Variants in NIPAL3 observed in about 807,000 individuals in gnomAD.
NIPAL3 encodes the protein NIPA-like protein 3.
A neutral mutation model predicts 47.2 loss-of-function variants in NIPAL3; 41 were observed. The observed-to-expected ratio is 0.87, with a 90% CI of 0.68 to 1.13. The LOEUF (loss-of-function observed/expected upper bound fraction) is 1.13. NIPAL3 is among the 50% of genes most tolerant of loss of function. NIPAL3 has a pLI of 0.00. For missense variants in NIPAL3, 449 were observed against 530.1 expected (o/e 0.85, Z 1.50); for synonymous variants, 194 against 209.6 (o/e 0.93, Z 0.64).
At chr1:24,466,003 G>C in intron 11 of NIPAL3, 1 of 1,610,440 alleles carries the variant, frequency 6.2e-7, no homozygotes, top group African/African-American at 1.3e-5. Flanking sequence ...TGTCTACCTA[G>C]ATTCATATCT....
chr1:24,457,946 G>A (rs141774414), intron 8 of NIPAL3: 7 of 429,066 alleles, frequency 1.6e-5, no homozygotes, highest in Admixed American at 5.1e-5. Context: ...GCCAGTCAAA[G>A]GCCCTGTGCT....
intron 2 of NIPAL3, chr1:24,420,094 A>G (rs1644253991): frequency 6.5e-6 from 1 of 153,478 alleles, no homozygotes; most frequent in African/African-American, 2.4e-5. Context: ...AGGAAAAAAA[A>G]AAAAAAAAGA....
intron 2 of NIPAL3, chr1:24,433,198 A>G (rs1286953364): frequency 1.3e-5 from 2 of 152,252 alleles, no homozygotes; most frequent in Non-Finnish European, 2.9e-5. Context: ...CATGAAGGAC[A>G]GAGGCTGGAT....
Position 24,419,579 on chromosome 1 carries a change from T to G in NIPAL3, c.32T>G (p.Leu11Arg). 6.2e-7 allele frequency: 1 copy of G among 1,614,040 alleles called. No individual in the cohort carries two copies. The highest frequency in any genetic ancestry group is 8.5e-7 in the Non-Finnish European group (1 of 1,179,964). MDGSHSAALK[L>R]QQLPPTSSSS... The stretch of plus-strand genomic sequence containing the variant: ...GGATCCCACAGCGCAGCCCTGAAGC[T>G]GCAGCAGCTGCCTCCCACAAGTAGC... Residue 11 changes from leucine (L) to arginine (R), a missense_variant, in exon 2 of 12, where the codon CTG becomes CGG. Coordinates refer to ENST00000374399, the MANE Select transcript of NIPAL3 (RefSeq NM_020448.5).
At chr1:24,462,628 G>A (rs936372650) in intron 10 of NIPAL3, among the ~76,000 whole-genome samples, 10 of 151,542 alleles carry the variant, frequency 6.6e-5, no homozygotes, top group African/African-American at 1.5e-4. Context: ...TTAGCCAGGC[G>A]TGGTGGCTTG....
Position 24,439,217 on chromosome 1 carries a change from G to A in NIPAL3, c.94-955G>A, listed in dbSNP as rs115454651. On this transcript the variant is annotated intron_variant, in intron 2 of 11. Transcript: ENST00000374399. ...AGTTAAATGAAAAATTAATAATAAA[G>A]GAAACAGCCTAAATATCCAGTAATA... Among the ~76,000 whole-genome samples the A allele has an allele frequency of 1.0e-2, 1,519 of 151,944 alleles. 27 individuals carry two copies. Among genetic ancestry groups the A allele is most frequent in the African/African-American group, 0.033 (1,368 of 41,410 alleles).
rs538226713 is a variant in NIPAL3 at position 24,430,214 on chromosome 1, G to A, written c.94-9958G>A. On this transcript the variant is annotated intron_variant, in intron 2 of 11. Coordinates refer to ENST00000374399, the MANE Select transcript of NIPAL3 (RefSeq NM_020448.5). ...AGTACCTGGAATGGAAGGACTGTTG[G>A]TATAGCAGTATCACTAAATTCTTTT... Among the ~76,000 whole-genome samples, 137 of 151,360 alleles carry A rather than the reference G, an allele frequency of 9.1e-4. 1 individual carries two copies. The highest frequency in any genetic ancestry group is 3.2e-3 in the African/African-American group (130 of 41,092).
At chr1:24,453,597 A>G in intron 7 of NIPAL3, 93 bp downstream of exon 7, 1 of 1,007,440 alleles carries the variant, frequency 9.9e-7, no homozygotes, top group Non-Finnish European at 1.5e-6. Flanking sequence ...GCCGCTGGGC[A>G]CAGAAGTTGC....
At chr1:24,453,671 C>T (rs1049097645) in intron 7 of NIPAL3, among the ~76,000 whole-genome samples, 167 bp downstream of exon 7, 1 of 151,960 alleles carries the variant, frequency 6.6e-6, no homozygotes, top group East Asian at 1.9e-4. Context: ...CCCTGCTGAC[C>T]GGAGGCAAAC....
At chr1:24,440,380 G>A (rs558201667) in intron 3 of NIPAL3, 140 bp downstream of exon 3, 6 of 519,364 alleles carry the variant, frequency 1.2e-5, no homozygotes, top group Non-Finnish European at 1.9e-5. Context: ...ATACCTTGTG[G>A]GCCGTTCCAG....
In NIPAL3 at chr1:24,440,181, A is replaced by C. The variant is rs1243982189; in HGVS notation, c.103A>C (p.Ile35Leu). The change falls in exon 3 of 12, where the codon ATT (isoleucine) becomes CTT (leucine). Residue 35 changes from isoleucine (I) to leucine (L), a missense_variant. Transcript: ENST00000374399. Reference protein sequence around the residue: ...EASFSYKENLIGALLAIFGHL... With the variant: ...EASFSYKENLLGALLAIFGHL... ...TGAACTTTCCTTACAGGAAAACCTG[A>C]TTGGCGCCCTCTTGGCGATCTTCGG... The C allele has an allele frequency of 1.3e-6, 2 of 1,587,656 alleles. No individual in the cohort carries two copies. The highest frequency in any genetic ancestry group is 1.7e-6 in the Non-Finnish European group (2 of 1,167,794).
In NIPAL3 at chr1:24,431,089, C is replaced by T. The variant is rs577932807; in HGVS notation, c.94-9083C>T. On this transcript the variant is annotated intron_variant, in intron 2 of 11. Transcript: ENST00000374399. ...AAACATCAGTCAAACCAGACTCTGGCTTAGGAATATTCCAACAAGGGCCAA... is the reference window on the plus strand; with the variant it reads ...AAACATCAGTCAAACCAGACTCTGGTTTAGGAATATTCCAACAAGGGCCAA... Among the ~76,000 whole-genome samples the T allele has an allele frequency of 1.8e-4, 28 of 152,292 alleles. No homozygotes were observed. The South Asian group carries it at 5.6e-3, about 30-fold the overall frequency.
Position 24,442,829 on chromosome 1 carries a change from G to A in NIPAL3, c.334+603G>A, listed in dbSNP as rs1645458779. On this transcript the variant is annotated intron_variant, in intron 4 of 11. Coordinates refer to ENST00000374399, the MANE Select transcript of NIPAL3 (RefSeq NM_020448.5). ...ACAAAAAAGAAAAACAATTAGCTGGGCATGGTGGTATGCATCTGTGGTCCT... is the reference window on the plus strand; with the variant it reads ...ACAAAAAAGAAAAACAATTAGCTGGACATGGTGGTATGCATCTGTGGTCCT... 2.6e-5 allele frequency among the ~76,000 whole-genome samples: 4 copies of A among 152,128 alleles called. No homozygotes were observed. The South Asian group carries it at 8.3e-4, about 32-fold the overall frequency.
intron 11 of NIPAL3, chr1:24,465,806 T>C (rs558526511): frequency 1.6e-6 from 1 of 641,890 alleles, no homozygotes; most frequent in East Asian, 3.5e-5. Flanking sequence ...GTCTGGGACA[T>C]GGTAGATGCC....
chr1:24,440,164 C>A lies in NIPAL3; in HGVS notation c.94-8C>A. 6.3e-7 allele frequency: 1 copy of A among 1,577,188 alleles called. No individual in the cohort carries two copies. Among genetic ancestry groups the A allele is most frequent in the Non-Finnish European group, 8.6e-7 (1 of 1,162,110 alleles). ...AATCATGTCCACTCCTGTGAACTTT[C>A]CTTACAGGAAAACCTGATTGGCGCC... On this transcript the variant is annotated splice_region_variant and splice_polypyrimidine_tract_variant and intron_variant, in intron 2 of 11. Coordinates refer to ENST00000374399, the MANE Select transcript of NIPAL3 (RefSeq NM_020448.5).
chr1:24,461,717 AAAT>A (rs1249667407), intron 10 of NIPAL3, among the ~76,000 whole-genome samples: 1 of 150,886 alleles, frequency 6.6e-6, no homozygotes, highest in Admixed American at 6.6e-5. Flanking sequence ...AAATACAAAA[AAAT>A]TAGCCAGGCA....
chr1:24,434,778 G>A (rs1453884341), intron 2 of NIPAL3, among the ~76,000 whole-genome samples: 2 of 151,836 alleles, frequency 1.3e-5, no homozygotes, highest in Admixed American at 1.3e-4. Context: ...ATCACAAAAG[G>A]AAATTCACAA....
At chr1:24,458,820 A>T in intron 8 of NIPAL3, 68 bp from the exon 9 acceptor site, 1 of 1,217,652 alleles carries the variant, frequency 8.2e-7, no homozygotes, top group Non-Finnish European at 1.2e-6. Context: ...ACCAAACTCT[A>T]CTGTTGTCAG....
upstream of NIPAL3, chr1:24,415,684 C>A: frequency 4.7e-6 from 1 of 211,070 alleles, no homozygotes; most frequent in Non-Finnish European, 8.2e-6. Context: ...CCCGCCTACT[C>A]CCCGTCCTCG....
Sources: allele counts gnomAD v4.1 joint callset (sites outside exome capture counted in the v4.1 genomes callset), GRCh38; gene constraint gnomAD v4.1.1; transcripts MANE v1.5; gene names NCBI Gene and HGNC (gene_info 2026-07-23, HGNC 2026-07-21).